M6PR: variants seen among roughly 807,000 people sequenced by gnomAD.
M6PR encodes the protein mannose-6-phosphate receptor, cation dependent.
In M6PR, 19 loss-of-function variants were observed where a neutral mutation model predicts 33.1. The observed-to-expected ratio is 0.57, with a 90% CI of 0.40 to 0.84. The LOEUF (loss-of-function observed/expected upper bound fraction) is 0.84, where lower values mean the gene tolerates loss of function less well. Ranked by LOEUF, M6PR falls within the 40% of genes least tolerant of loss-of-function variation. The probability of loss-of-function intolerance (pLI) is 0.00; values close to 1 mark genes in which losing one functional copy is unlikely to be tolerated. For synonymous variants in M6PR, 111 were observed against 123.4 expected (o/e 0.90, Z 0.67); for missense variants, 295 against 336.0 (o/e 0.88, Z 0.95).
At chr12:8,946,546 G>T in intron 1 of M6PR, 141 bp from the exon 2 acceptor site, 1 of 604,232 alleles carries the variant, frequency 1.7e-6, no homozygotes, top group Non-Finnish European at 2.8e-6. Context: ...GCAACACATA[G>T]TACATTTTAA....
chr12:8,946,558 ATC>A (rs1265823226), intron 1 of M6PR, 153 bp from the exon 2 acceptor site: 4 of 566,602 alleles, frequency 7.1e-6, no homozygotes, highest in African/African-American at 1.9e-5. Flanking sequence ...ACATTTTAAT[ATC>A]TCTGTAACAA....
In M6PR at chr12:8,942,493, G is replaced by A; in HGVS notation, c.634C>T (p.Arg212Ter). The A allele has an allele frequency of 6.2e-7, 1 of 1,614,056 alleles. No individual in the cohort carries two copies. The highest frequency in any genetic ancestry group is 8.5e-7 in the Non-Finnish European group (1 of 1,179,928). The change falls in exon 6 of 7, where the codon CGA becomes TGA. Residue 212 changes from arginine (R) to a stop codon, truncating the protein, a stop_gained. Coordinates refer to ENST00000000412, the MANE Select transcript of M6PR (RefSeq NM_002355.4). LOFTEE classifies it high-confidence loss of function. ...ATTCCTTTGGCTCCCACTACCAGTCGCTGGTATAGGAACCCCCCAACAACA... is the reference window on the plus strand; with the variant it reads ...ATTCCTTTGGCTCCCACTACCAGTCACTGGTATAGGAACCCCCCAACAACA... Reference protein sequence around the residue: ...VYVVGGFLYQRLVVGAKGMEQ... With the variant: ...VYVVGGFLYQ
At chr12:8,946,202 A>C in intron 2 of M6PR, 27 bp downstream of exon 2, 1 of 1,589,838 alleles carries the variant, frequency 6.3e-7, no homozygotes, top group Non-Finnish European at 8.6e-7. Flanking sequence ...ATATTTTCTC[A>C]AGCTCTTTAA....
chr12:8,944,378 TATC>T (rs1321374923), intron 3 of M6PR, among the ~76,000 whole-genome samples: 1 of 152,194 alleles, frequency 6.6e-6, no homozygotes, highest in Non-Finnish European at 1.5e-5. Flanking sequence ...TTTTGCAAAA[TATC>T]ATTTGATTCA....
At chr12:8,946,105 T>C (rs1466977078) in intron 2 of M6PR, 124 bp downstream of exon 2, 5 of 950,914 alleles carry the variant, frequency 5.3e-6, no homozygotes, top group Non-Finnish European at 7.7e-6. Flanking sequence ...ACACAGCAAC[T>C]AAAAACTGGG....
At chr12:8,945,921 A>G (rs1283293317) in intron 2 of M6PR, among the ~76,000 whole-genome samples, 4 of 152,206 alleles carry the variant, frequency 2.6e-5, no homozygotes, top group Non-Finnish European at 5.9e-5. Context: ...TCAGATTTAT[A>G]TATCTGAAGG....
In M6PR at chr12:8,943,867, G is replaced by A; in HGVS notation, c.387C>T (p.Asp129=). 1 of 1,613,824 alleles carries A rather than the reference G, an allele frequency of 6.2e-7. No homozygotes were observed. Among genetic ancestry groups the A allele is most frequent in the Admixed American group, 1.7e-5 (1 of 60,024 alleles). Residue 129 remains aspartate (D), a synonymous_variant, in exon 4 of 7, where the codon GAC becomes GAT. Transcript: ENST00000000412. The part of the protein sequence containing the change: ...MLIYKGGDEY[D]NHCGKEQRRA... Reference sequence around the variant, plus strand: ...GACGCTGCTCCTTGCCACAGTGGTTGTCATATTCATCACCCCCTTTATAGA... The same window carrying A: ...GACGCTGCTCCTTGCCACAGTGGTTATCATATTCATCACCCCCTTTATAGA...
At position 8,946,287 on chromosome 12, in the gene M6PR, T is replaced by G; in HGVS notation, c.118A>C (p.Lys40Gln). 6.2e-7 allele frequency: 1 copy of G among 1,614,244 alleles called. No homozygotes were observed. Among genetic ancestry groups the G allele is most frequent in the South Asian group, 1.1e-5 (1 of 91,086 alleles). ...AGAGCCAACTCTTTCTCTGACTCTT[T>G]ACCCTTTTCTCCTACCAAGTCGCAA... Reference protein sequence around the residue: ...KTCDLVGEKGKESEKELALVK... With the variant: ...KTCDLVGEKGQESEKELALVK... The change falls in exon 2 of 7, where the codon AAA becomes CAA. Residue 40 changes from lysine (K) to glutamine (Q), a missense_variant. Lys to Gln is a moderately conservative substitution (Grantham distance 53). Transcript: ENST00000000412.
chr12:8,945,882 C>T (rs1315246390), intron 2 of M6PR, among the ~76,000 whole-genome samples: 3 of 152,150 alleles, frequency 2.0e-5, no homozygotes, highest in Non-Finnish European at 4.4e-5. Context: ...CCATGTTCAT[C>T]GGATAGTCTC....
intron 1 of M6PR, among the ~76,000 whole-genome samples, chr12:8,947,776 A>G (rs1946119335): frequency 6.6e-6 from 1 of 152,038 alleles, no homozygotes; most frequent in African/African-American, 2.4e-5. Flanking sequence ...AACTACATGT[A>G]TATTTCCACT....
At chr12:8,946,461 G>C (rs1946096522) in intron 1 of M6PR, 56 bp from the exon 2 acceptor site, 1 of 1,371,642 alleles carries the variant, frequency 7.3e-7, no homozygotes, top group Non-Finnish European at 1.0e-6. Context: ...AGAGAGGAAA[G>C]AGATAAAGCG....
At chr12:8,948,753 C>T (rs1946143766) in intron 1 of M6PR, among the ~76,000 whole-genome samples, 1 of 152,184 alleles carries the variant, frequency 6.6e-6, no homozygotes, top group Admixed American at 6.5e-5. Context: ...CAGCTTACAC[C>T]ACTGGGCCTC....
At chr12:8,946,592 C>G (rs1199021753) in intron 1 of M6PR, 187 bp from the exon 2 acceptor site, 1 of 513,066 alleles carries the variant, frequency 1.9e-6, no homozygotes, top group African/African-American at 1.9e-5. Flanking sequence ...GCAGAAAATT[C>G]ATTTATATGT....
chr12:8,943,599 A>G, intron 4 of M6PR, 64 bp from the exon 5 acceptor site: 1 of 1,583,624 alleles, frequency 6.3e-7, no homozygotes, highest in Non-Finnish European at 8.7e-7. Flanking sequence ...CCAACAAAAT[A>G]AAAAACCCAA....
chr12:8,942,222 AC>A (rs1163591674), intron 6 of M6PR, 193 bp downstream of exon 6: 3 of 734,102 alleles, frequency 4.1e-6, no homozygotes, highest in Non-Finnish European at 6.6e-6. Flanking sequence ...GCAATGTCTT[AC>A]CAAGGCCAGA....
rs1210902129 is a variant in M6PR, at chr12:8,941,267, C to T, written c.*551G>A. 1 of 234,656 alleles carries T rather than the reference C, an allele frequency of 4.3e-6. No homozygotes were observed. The highest frequency in any genetic ancestry group is 1.1e-4 in the East Asian group (1 of 8,848). 14.5% of individuals were successfully genotyped at this position (234,656 alleles called of 1,614,324 possible). A position where few individuals can be genotyped will look rare whatever the true frequency, so the allele number is the denominator to read the frequency against. On this transcript the variant is annotated 3_prime_UTR_variant, in exon 7 of 7. Transcript: ENST00000000412. ...AGAGGTGGGAGAAGCAAGTCTAGAA[C>T]ATCTCCAGGCTCAGACTAAACGAGA...
chr12:8,945,893 G>A (rs1458962466), intron 2 of M6PR, among the ~76,000 whole-genome samples: 1 of 152,138 alleles, frequency 6.6e-6, no homozygotes. Context: ...GGATAGTCTC[G>A]TTTCTTAGGG....
At chr12:8,943,962 A>G (rs1464042554) in intron 3 of M6PR, 52 bp from the exon 4 acceptor site, 1 of 1,203,224 alleles carries the variant, frequency 8.3e-7, no homozygotes, top group East Asian at 2.3e-5. Flanking sequence ...AAGCAGAGGC[A>G]GATCTGGGTG....
intron 1 of M6PR, among the ~76,000 whole-genome samples, chr12:8,947,120 C>T (rs1946105185): frequency 6.6e-6 from 1 of 152,090 alleles, no homozygotes; most frequent in Admixed American, 6.6e-5. Context: ...TTGTTTATTC[C>T]AAGAGTATCA....
Sources: gnomAD v4.1 joint callset for allele counts (sites outside exome capture counted in the v4.1 genomes callset) on GRCh38, gnomAD v4.1.1 for gene constraint, MANE v1.5 for transcripts, NCBI Gene and HGNC (gene_info 2026-07-23, HGNC 2026-07-21) for gene names.